Variants in SOX5 observed in about 807,000 individuals in gnomAD.
The protein encoded by SOX5 is transcription factor SOX-5.
Under a neutral mutation model 92.0 loss-of-function variants are expected in SOX5, and 9 were observed. That is an observed-to-expected ratio of 0.10 (90% CI 0.06 to 0.17). The LOEUF (loss-of-function observed/expected upper bound fraction) is 0.17, where lower values mean the gene tolerates loss of function less well. SOX5 is among the 10% of genes least tolerant of loss of function. SOX5 has a pLI of 1.00. For synonymous variants in SOX5, 344 were observed against 336.3 expected (o/e 1.02, Z -0.25); for missense variants, 642 against 944.5 (o/e 0.68, Z 4.20).
rs561893669 is a variant in SOX5, at chr12:23,586,829, A to G, written c.1165-10991T>C. Among the ~76,000 whole-genome samples, 46 of 151,722 alleles carry G rather than the reference A, an allele frequency of 3.0e-4. 1 individual carries two copies. Among genetic ancestry groups the G allele is most frequent in the Non-Finnish European group, 6.8e-4 (46 of 67,872 alleles). On this transcript the variant is annotated intron_variant, in intron 9 of 14. Coordinates refer to ENST00000451604, the MANE Select transcript of SOX5 (RefSeq NM_006940.6). Reference sequence around the variant, plus strand: ...ATTATTTGTCACTTATGATTGACTTAAAGTGTTTTTTCCTTTTTTCTTCTC... The same window carrying G: ...ATTATTTGTCACTTATGATTGACTTGAAGTGTTTTTTCCTTTTTTCTTCTC...
At chr12:24,259,597 A>G (rs896986062) in intron 3 of SOX5, among the ~76,000 whole-genome samples, 1 of 152,234 alleles carries the variant, frequency 6.6e-6, no homozygotes, top group Non-Finnish European at 1.5e-5. Flanking sequence ...GAAATAGATT[A>G]AATGAAACAG....
At chr12:24,382,850 T>A (rs1957979101) in intron 1 of SOX5, among the ~76,000 whole-genome samples, 2 of 152,032 alleles carry the variant, frequency 1.3e-5, no homozygotes, top group African/African-American at 4.8e-5. Flanking sequence ...ATGGGAAGAA[T>A]AGATTTACCC....
At chr12:23,563,626 T>C (rs1946582435) in intron 10 of SOX5, among the ~76,000 whole-genome samples, 1 of 152,232 alleles carries the variant, frequency 6.6e-6, no homozygotes, top group Admixed American at 6.5e-5. Flanking sequence ...AATAAAAATA[T>C]AATACCTAAG....
intron 4 of SOX5, among the ~76,000 whole-genome samples, chr12:24,086,830 A>G (rs2137698294): frequency 6.6e-6 from 1 of 152,198 alleles, no homozygotes; most frequent in African/African-American, 2.4e-5. Context: ...CTCAAAGAAA[A>G]TGTAACTGTG....
chr12:24,435,622 GTTA>G (rs1566157069), intron 1 of SOX5, among the ~76,000 whole-genome samples: 1 of 152,148 alleles, frequency 6.6e-6, no homozygotes, highest in Non-Finnish European at 1.5e-5. Flanking sequence ...AGCAAAAGAA[GTTA>G]TTTTGTCATA....
intron 3 of SOX5, among the ~76,000 whole-genome samples, chr12:24,261,005 A>T (rs1192588608): frequency 5.3e-5 from 8 of 152,176 alleles, no homozygotes; most frequent in African/African-American, 1.7e-4. Flanking sequence ...CATGATGATA[A>T]TAATAGTAAT....
At chr12:23,864,122 T>C (rs4963722) in intron 2 of SOX5, among the ~76,000 whole-genome samples, 1 of 152,154 alleles carries the variant, frequency 6.6e-6, no homozygotes, top group Non-Finnish European at 1.5e-5. Context: ...TAATTATTTC[T>C]ACTTGGTGAT....
chr12:24,046,758 C>A (rs1439307493), intron 4 of SOX5, among the ~76,000 whole-genome samples: 1 of 148,700 alleles, frequency 6.7e-6, no homozygotes, highest in Non-Finnish European at 1.5e-5. Flanking sequence ...CGGCTCACTG[C>A]AACCGCTGCC....
At chr12:23,918,277 G>A (rs998569769) in intron 1 of SOX5, among the ~76,000 whole-genome samples, 5 of 151,810 alleles carry the variant, frequency 3.3e-5, no homozygotes, top group African/African-American at 1.2e-4. Context: ...TTTTCGTTTA[G>A]TCAAAGTATT....
chr12:24,543,166 G>A (rs1173341983), intron 1 of SOX5, among the ~76,000 whole-genome samples: 6 of 152,196 alleles, frequency 3.9e-5, no homozygotes, highest in African/African-American at 1.4e-4. Flanking sequence ...CTGGAGGAGA[G>A]AGCATCTCTC....
intron 4 of SOX5, among the ~76,000 whole-genome samples, chr12:24,118,373 C>A (rs770840262): frequency 2.6e-5 from 4 of 152,028 alleles, no homozygotes; most frequent in Non-Finnish European, 5.9e-5. Context: ...CATAAGTATA[C>A]ACAATTATTA....
intron 4 of SOX5, among the ~76,000 whole-genome samples, chr12:24,058,346 A>G (rs1938990049): frequency 6.6e-6 from 1 of 152,230 alleles, no homozygotes; most frequent in South Asian, 2.1e-4. Flanking sequence ...CAATGCTACT[A>G]TTTACAATGA....
intron 3 of SOX5, among the ~76,000 whole-genome samples, chr12:23,797,613 T>C (rs1341788986): frequency 6.6e-6 from 1 of 152,134 alleles, no homozygotes; most frequent in East Asian, 1.9e-4. Context: ...CGTACCTATA[T>C]GATTTTGGAT....
intron 8 of SOX5, among the ~76,000 whole-genome samples, chr12:23,613,967 A>G (rs2076260462): frequency 6.6e-6 from 1 of 152,128 alleles, no homozygotes; most frequent in Admixed American, 6.5e-5. Context: ...TTGCAGCTCC[A>G]TGTCAAAACC....
chr12:23,772,683 C>T (rs1171568432), intron 3 of SOX5, among the ~76,000 whole-genome samples: 2 of 152,160 alleles, frequency 1.3e-5, no homozygotes, highest in African/African-American at 2.4e-5. Flanking sequence ...CTTTCATTTA[C>T]AAGCTCTGAC....
chr12:24,302,800 G>C (rs1680771428), intron 2 of SOX5, among the ~76,000 whole-genome samples: 1 of 152,038 alleles, frequency 6.6e-6, no homozygotes, highest in African/African-American at 2.4e-5. Context: ...ATTAACTAGG[G>C]ACAGGGTCCA....
intron 13 of SOX5, among the ~76,000 whole-genome samples, chr12:23,542,151 T>A (rs1021601076): frequency 6.6e-6 from 1 of 152,184 alleles, no homozygotes; most frequent in Non-Finnish European, 1.5e-5. Context: ...TTATAGATGA[T>A]CTGTAATGAA....
Position 24,429,088 on chromosome 12 carries a change from C to T in SOX5, c.-250-60449G>A, listed in dbSNP as rs549396438. ...ATCCCAGCACTTTGGGAGGCCAAGA[C>T]GGGAGGATCACAAGGTCAGGAGATC... On this transcript the variant is annotated intron_variant, in intron 1 of 4. Coordinates refer to the SOX5 transcript ENST00000446891. 6.6e-5 allele frequency among the ~76,000 whole-genome samples: 10 copies of T among 152,114 alleles called. No individual in the cohort carries two copies. In the East Asian group the frequency reaches 1.6e-3, roughly 24 times the overall value.
chr12:23,956,508 C>A (rs1946297821), intron 4 of SOX5, among the ~76,000 whole-genome samples: 1 of 152,084 alleles, frequency 6.6e-6, no homozygotes, highest in Non-Finnish European at 1.5e-5. Context: ...GCCTGATGAT[C>A]TGAGGTGGAA....
Sources: allele counts gnomAD v4.1 joint callset (sites outside exome capture counted in the v4.1 genomes callset), GRCh38; gene constraint gnomAD v4.1.1; transcripts MANE v1.5; gene names NCBI Gene and HGNC (gene_info 2026-07-23, HGNC 2026-07-21).